Variants in ZFHX3 observed in about 807,000 individuals in gnomAD.
ZFHX3 encodes zinc finger homeobox protein 3.
ZFHX3 carries 42 observed loss-of-function variants against 279.1 expected under a neutral mutation model. The observed-to-expected ratio is 0.15, with a 90% CI of 0.12 to 0.19. The LOEUF (loss-of-function observed/expected upper bound fraction) is 0.19. ZFHX3 is among the 10% of genes least tolerant of loss of function. The probability of loss-of-function intolerance (pLI) is 1.00; values close to 1 mark genes in which losing one functional copy is unlikely to be tolerated. For synonymous variants in ZFHX3, 2,293 were observed against 1,957.8 expected (o/e 1.17, Z -4.52); for missense variants, 4,981 against 4,754.0 (o/e 1.05, Z -1.40).
At chr16:73,337,029 C>T (rs8063146) in intron 3 of ZFHX3, among the ~76,000 whole-genome samples, 4,160 of 152,186 alleles carry the variant, frequency 0.027, 202 homozygotes, top group African/African-American at 0.094. Flanking sequence ...CCACTACCTG[C>T]CAAAGGGACC....
intron 1 of ZFHX3, among the ~76,000 whole-genome samples, chr16:73,006,426 C>G (rs1427417736): frequency 6.6e-6 from 1 of 152,064 alleles, no homozygotes; most frequent in South Asian, 2.1e-4. Flanking sequence ...AGTTTAAGAC[C>G]AGCCTGGACA....
chr16:73,387,315 T>C (rs1441703219), intron 3 of ZFHX3: 2 of 152,084 alleles, frequency 1.3e-5, no homozygotes, highest in Non-Finnish European at 2.9e-5. Context: ...GCTTTGTGAA[T>C]CCCACAACTT....
intron 1 of ZFHX3, among the ~76,000 whole-genome samples, chr16:73,858,931 T>C (rs1394090658): frequency 6.6e-6 from 1 of 152,186 alleles, no homozygotes; most frequent in African/African-American, 2.4e-5. Context: ...CTTCCATCCC[T>C]CCTTTTTAGC....
Position 73,543,905 on chromosome 16 carries a change from A to AGAGAGAGAGG in ZFHX3, c.-1546-87648_-1546-87647insCCTCTCTCTC, listed in dbSNP as rs1555523944. On this transcript the variant is annotated intron_variant, in intron 2 of 17. Coordinates refer to the ZFHX3 transcript ENST00000641206. ...GAGAGGGAGAGAGAGAGAGAGAGAGAGAGAGACAGAGGGAGAGAGGCAGAG... is the reference window on the plus strand; with the variant it reads ...GAGAGGGAGAGAGAGAGAGAGAGAGAGAGAGAGAGGGAGAGACAGAGGGAGAGAGGCAGAG... 253 of 151,628 alleles carry AGAGAGAGAGG rather than the reference A, an allele frequency of 1.7e-3. 1 individual carries two copies. Among genetic ancestry groups the AGAGAGAGAGG allele is most frequent in the African/African-American group, 5.8e-3 (240 of 41,028 alleles). The allele number at this position is 151,628 out of a possible 1,614,324, so 9.4% of individuals were successfully genotyped here.
intron 1 of ZFHX3, among the ~76,000 whole-genome samples, chr16:73,682,950 GAAAGAAAGAAAGAA>G (rs1567550695): frequency 5.2e-5 from 1 of 19,048 alleles, no homozygotes; most frequent in African/African-American, 1.7e-4. Flanking sequence ...AAGAAAGAAA[GAAAGAAAGAAAGAA>G]AGAAAGAAAG....
intron 3 of ZFHX3, among the ~76,000 whole-genome samples, chr16:73,384,120 A>T (rs2016859670): frequency 6.6e-6 from 1 of 152,240 alleles, no homozygotes; most frequent in Non-Finnish European, 1.5e-5. Flanking sequence ...TCCTGCCATG[A>T]TGTCAGATGC....
intron 4 of ZFHX3, among the ~76,000 whole-genome samples, chr16:73,257,360 T>C (rs1324975411): frequency 6.6e-6 from 1 of 152,226 alleles, no homozygotes; most frequent in Non-Finnish European, 1.5e-5. Flanking sequence ...AAATTTCAGA[T>C]GTGTCTTGAC....
intron 5 of ZFHX3, among the ~76,000 whole-genome samples, chr16:73,242,958 G>T (rs1466195033): frequency 6.6e-6 from 1 of 152,198 alleles, no homozygotes; most frequent in Non-Finnish European, 1.5e-5. Context: ...ATAACCAGAA[G>T]GACGTGGCAA....
At chr16:73,143,050 G>A (rs1966851612) in intron 6 of ZFHX3, among the ~76,000 whole-genome samples, 1 of 152,002 alleles carries the variant, frequency 6.6e-6, no homozygotes. Context: ...TCTAGGGAGG[G>A]GCCTCAAATA....
chr16:73,192,478 T>C (rs1177131056), intron 5 of ZFHX3, among the ~76,000 whole-genome samples: 2 of 152,128 alleles, frequency 1.3e-5, no homozygotes, highest in Non-Finnish European at 2.9e-5. Context: ...GATCACCGGG[T>C]GCCAAAGAAA....
At chr16:73,293,986 CAAAAAAAAAAAAAAAA>C in intron 4 of ZFHX3, 1 of 41,750 alleles carries the variant, frequency 2.4e-5, no homozygotes, top group East Asian at 8.7e-4. Flanking sequence ...GTCAATATGC[CAAAAAAAAAAAAAAAA>C]AAAAAAAAAA....
intron 3 of ZFHX3, among the ~76,000 whole-genome samples, chr16:73,325,694 T>C (rs1343924252): frequency 2.6e-5 from 4 of 152,028 alleles, no homozygotes; most frequent in Non-Finnish European, 4.4e-5. Context: ...AATTTATCCA[T>C]GCCAATTAAA....
intron 2 of ZFHX3, chr16:73,486,722 G>C: frequency 4.5e-6 from 2 of 448,784 alleles, no homozygotes; most frequent in South Asian, 3.1e-5. Flanking sequence ...CTAAATCTAG[G>C]GTCTCTCTTG....
intron 2 of ZFHX3, among the ~76,000 whole-genome samples, chr16:73,536,637 G>T (rs533328089): frequency 3.3e-5 from 5 of 152,200 alleles, no homozygotes; most frequent in Admixed American, 1.3e-4. Context: ...AAGCAATGTT[G>T]CTGTGTGTGC....
chr16:73,413,053 G>A (rs952017011), intron 3 of ZFHX3, among the ~76,000 whole-genome samples: 16 of 152,202 alleles, frequency 1.1e-4, no homozygotes, highest in South Asian at 2.1e-4. Flanking sequence ...TACAGTGTGC[G>A]TGTTGGGCAC....
At chr16:73,654,661 T>G (rs2052704701) in intron 2 of ZFHX3, among the ~76,000 whole-genome samples, 1 of 151,808 alleles carries the variant, frequency 6.6e-6, no homozygotes, top group African/African-American at 2.4e-5. Context: ...GCAAGGTAAA[T>G]TAAACATGAG....
chr16:73,186,351 T>C (rs1220173304), intron 5 of ZFHX3, among the ~76,000 whole-genome samples: 1 of 152,092 alleles, frequency 6.6e-6, no homozygotes, highest in Admixed American at 6.5e-5. Context: ...CTGTCACACC[T>C]TAGGCTGTGT....
At chr16:73,390,587 G>C (rs1156892954) in intron 3 of ZFHX3, among the ~76,000 whole-genome samples, 1 of 152,082 alleles carries the variant, frequency 6.6e-6, no homozygotes, top group African/African-American at 2.4e-5. Flanking sequence ...GACTCATTAC[G>C]GGAAAAGCTG....
chr16:73,184,040 G>A (rs78790363), intron 5 of ZFHX3, among the ~76,000 whole-genome samples: 3,272 of 152,238 alleles, frequency 0.021, 128 homozygotes, highest in African/African-American at 0.076. Flanking sequence ...TAAAGAAGAG[G>A]CCTGGTCTGT....
Sources: allele counts gnomAD v4.1 joint callset (sites outside exome capture counted in the v4.1 genomes callset), GRCh38; gene constraint gnomAD v4.1.1; transcripts MANE v1.5; gene names NCBI Gene and HGNC (gene_info 2026-07-23, HGNC 2026-07-21).